Variants in CNTNAP5 observed in about 807,000 individuals in gnomAD.
CNTNAP5 encodes contactin-associated protein-like 5.
Under a neutral mutation model 150.2 loss-of-function variants are expected in CNTNAP5, and 72 were observed. The observed-to-expected ratio is 0.48, with a 90% confidence interval of 0.40 to 0.58. CNTNAP5 has a LOEUF of 0.58. CNTNAP5 is among the 20% of genes least tolerant of loss of function. The pLI, the probability that CNTNAP5 is intolerant of heterozygous loss-of-function variation, is 0.00. For synonymous variants in CNTNAP5, 672 were observed against 619.8 expected, an observed-to-expected ratio of 1.08 and a Z score of -1.25; for missense variants, 1,636 against 1,626.2, an observed-to-expected ratio of 1.01 and a Z score of -0.10.
chr2:124,787,366 G>A (rs1681621294), intron 17 of CNTNAP5, among the ~76,000 whole-genome samples: 1 of 152,168 alleles, frequency 6.6e-6, no homozygotes, highest in South Asian at 2.1e-4. Flanking sequence ...TTATCTTGTG[G>A]TTAAAGAGAT....
chr2:124,634,413 C>T (rs1573511863), intron 12 of CNTNAP5, among the ~76,000 whole-genome samples: 1 of 152,158 alleles, frequency 6.6e-6, no homozygotes, highest in Non-Finnish European at 1.5e-5. Context: ...ATGTTCTTTA[C>T]TAAAGCATAG....
At chr2:124,169,256 G>A (rs1294121503) in intron 1 of CNTNAP5, among the ~76,000 whole-genome samples, 1 of 152,008 alleles carries the variant, frequency 6.6e-6, no homozygotes, top group African/African-American at 2.4e-5. Context: ...GTTCTTATTG[G>A]CCTGGGTTAG....
At chr2:124,792,441 C>T (rs1171029407) in intron 18 of CNTNAP5, among the ~76,000 whole-genome samples, 2 of 152,080 alleles carry the variant, frequency 1.3e-5, no homozygotes, top group Non-Finnish European at 2.9e-5. Context: ...TAATTTCATT[C>T]TATACATGAA....
intron 13 of CNTNAP5, among the ~76,000 whole-genome samples, chr2:124,721,522 T>TAC (rs1558750258): frequency 6.7e-6 from 1 of 149,814 alleles, no homozygotes; most frequent in Non-Finnish European, 1.5e-5. Context: ...CATAAATAAA[T>TAC]ATTAAAAAAA....
intron 13 of CNTNAP5, among the ~76,000 whole-genome samples, chr2:124,674,537 T>TCC (rs1283165304): frequency 8.9e-5 from 13 of 145,982 alleles, no homozygotes; most frequent in African/African-American, 3.3e-4. Context: ...CTTTCTTTCT[T>TCC]TCTTTCTTTC....
At chr2:124,551,104 G>A (rs1001183891) in intron 10 of CNTNAP5, among the ~76,000 whole-genome samples, 5 of 152,188 alleles carry the variant, frequency 3.3e-5, no homozygotes, top group African/African-American at 1.2e-4. Context: ...GCCCGTGCAG[G>A]GAGAGGCATG....
intron 3 of CNTNAP5, among the ~76,000 whole-genome samples, chr2:124,392,436 T>C (rs1275791165): frequency 6.6e-6 from 1 of 151,896 alleles, no homozygotes; most frequent in Non-Finnish European, 1.5e-5. Context: ...CTCTAAATAC[T>C]CCGAAAGTAA....
Position 124,917,631 on chromosome 2 carries a change from C to A in CNTNAP5, c.*3343C>A, listed in dbSNP as rs1678797016. 1.3e-5 allele frequency among the ~76,000 whole-genome samples: 2 copies of A among 152,066 alleles called. No homozygotes were observed. Among genetic ancestry groups the A allele is most frequent in the African/African-American group, 4.8e-5 (2 of 41,438 alleles). On this transcript the variant is annotated 3_prime_UTR_variant, in exon 24 of 24. Coordinates refer to ENST00000682447, the MANE Select transcript of CNTNAP5 (RefSeq NM_001367498.1). The stretch of plus-strand genomic sequence containing the variant: ...CTTGACTTCTACCTTTTGTCAGACT[C>A]ATCTCCACCAACGGGTAGCAAGAGC...
intron 3 of CNTNAP5, among the ~76,000 whole-genome samples, chr2:124,383,140 C>A (rs916807955): frequency 6.6e-6 from 1 of 152,178 alleles, no homozygotes; most frequent in African/African-American, 2.4e-5. Flanking sequence ...TTCCACATCA[C>A]CTTTCTTGCA....
intron 1 of CNTNAP5, among the ~76,000 whole-genome samples, chr2:124,107,292 C>T (rs1037806818): frequency 1.3e-5 from 2 of 152,170 alleles, no homozygotes; most frequent in Non-Finnish European, 2.9e-5. Context: ...TGTCCCTGAC[C>T]ATGAAGACCT....
At chr2:124,156,598 C>A (rs760682562) in intron 1 of CNTNAP5, among the ~76,000 whole-genome samples, 2 of 152,238 alleles carry the variant, frequency 1.3e-5, no homozygotes, top group South Asian at 4.2e-4. Context: ...CAGGTTCACG[C>A]GATTCTCCTG....
At chr2:124,222,374 T>C (rs1686344801) in intron 2 of CNTNAP5, among the ~76,000 whole-genome samples, 2 of 151,920 alleles carry the variant, frequency 1.3e-5, no homozygotes, top group African/African-American at 4.8e-5. Flanking sequence ...GAAATGTTGT[T>C]AACAAATATG....
chr2:124,869,516 G>A (rs1224379779), intron 20 of CNTNAP5, among the ~76,000 whole-genome samples, 159 bp from the exon 21 acceptor site: 1 of 152,096 alleles, frequency 6.6e-6, no homozygotes, highest in East Asian at 1.9e-4. Context: ...TGCGTTGTGG[G>A]CAAATTAGCG....
chr2:124,834,674 G>T (rs919566729), intron 19 of CNTNAP5, among the ~76,000 whole-genome samples: 2 of 151,978 alleles, frequency 1.3e-5, no homozygotes, highest in Non-Finnish European at 2.9e-5. Context: ...TACTAAGGGA[G>T]CTCTATAGTC....
At chr2:124,473,321 A>C (rs1693562914) in intron 6 of CNTNAP5, among the ~76,000 whole-genome samples, 1 of 152,026 alleles carries the variant, frequency 6.6e-6, no homozygotes, top group African/African-American at 2.4e-5. Context: ...TTTAATGTAA[A>C]TAATAAATTA....
At position 124,828,735 on chromosome 2, in the gene CNTNAP5, C is replaced by CAAAAAA. The variant is rs60339676; in HGVS notation, c.3217+30447_3217+30452dup. ...CCTTGCAGACCAATGCAAGTGTTGG[C>CAAAAAA]AAAAAAAAAAAAAAAAAAAAAAAAA... On this transcript the variant is annotated intron_variant, in intron 19 of 23. Coordinates refer to ENST00000682447, the MANE Select transcript of CNTNAP5 (RefSeq NM_001367498.1). Among the ~76,000 whole-genome samples, 17 of 23,106 alleles carry CAAAAAA rather than the reference C, an allele frequency of 7.4e-4. 4 individuals are homozygous for CAAAAAA. The highest frequency in any genetic ancestry group is 1.3e-3 in the Non-Finnish European group (15 of 11,860). The allele number at this position is 23,106 out of a possible 152,430, so 15.2% of individuals were successfully genotyped here.
chr2:124,913,141 G>A lies in CNTNAP5; in HGVS notation c.3728-951G>A, dbSNP rs143890722. 2.9e-3 allele frequency among the ~76,000 whole-genome samples: 447 copies of A among 152,060 alleles called. 3 individuals carry two copies. Among genetic ancestry groups the A allele is most frequent in the African/African-American group, 9.8e-3 (409 of 41,538 alleles). ...TCATTATGCCCAAAAATAGCTTTCT[G>A]AAATAGACACTTTTCCTCAATATCT... On this transcript the variant is annotated intron_variant, in intron 23 of 23. Coordinates refer to ENST00000682447, the MANE Select transcript of CNTNAP5 (RefSeq NM_001367498.1).
intron 19 of CNTNAP5, among the ~76,000 whole-genome samples, chr2:124,829,829 C>A (rs762002472): frequency 1.3e-5 from 2 of 151,798 alleles, no homozygotes; most frequent in South Asian, 4.2e-4. Context: ...TCCCAGTTGA[C>A]AAGAACATCT....
intron 21 of CNTNAP5, among the ~76,000 whole-genome samples, chr2:124,895,442 T>G (rs74705859): frequency 6.6e-6 from 1 of 151,534 alleles, no homozygotes; most frequent in African/African-American, 2.4e-5. Context: ...CTTGGCAACA[T>G]AGTGAGACCC....
Sources: gnomAD v4.1 joint callset for allele counts (sites outside exome capture counted in the v4.1 genomes callset) on GRCh38, gnomAD v4.1.1 for gene constraint, MANE v1.5 for transcripts, NCBI Gene and HGNC (gene_info 2026-07-23, HGNC 2026-07-21) for gene names.